Variants in FSTL4 observed in about 807,000 individuals in gnomAD.
The protein encoded by FSTL4 is follistatin-related protein 4.
In FSTL4, 28 loss-of-function variants were observed where a neutral mutation model predicts 78.2. That is an observed-to-expected ratio of 0.36 (90% confidence interval 0.27 to 0.49). FSTL4 has a LOEUF of 0.49. FSTL4 is among the 20% of genes least tolerant of loss of function. FSTL4 has a pLI of 0.98. For synonymous variants in FSTL4, 422 were observed against 440.5 expected, an observed-to-expected ratio of 0.96 and a Z score of 0.53; for missense variants, 922 against 1,084.9, an observed-to-expected ratio of 0.85 and a Z score of 2.11.
At chr5:133,754,937 A>C in the FSTL4 span, among the ~76,000 whole-genome samples, 3 of 151,858 alleles carry the variant, frequency 2.0e-5, no homozygotes, top group Admixed American at 6.6e-5. Context: ...CGTGTACATT[A>C]TCCCCTCTGT....
chr5:133,321,686 G>A (rs755915057), intron 4 of FSTL4, among the ~76,000 whole-genome samples: 7 of 152,240 alleles, frequency 4.6e-5, no homozygotes, highest in Non-Finnish European at 7.3e-5. Context: ...CCCTGAGCTG[G>A]GGCCCGGATC....
chr5:133,222,613 G>C (rs1751176371), intron 11 of FSTL4, among the ~76,000 whole-genome samples: 1 of 152,206 alleles, frequency 6.6e-6, no homozygotes, highest in Admixed American at 6.5e-5. Flanking sequence ...TGTGGCTGTA[G>C]CTACATTCTG....
At chr5:133,526,652 C>T (rs1049330138) in intron 3 of FSTL4, among the ~76,000 whole-genome samples, 1 of 152,072 alleles carries the variant, frequency 6.6e-6, no homozygotes, top group South Asian at 2.1e-4. Flanking sequence ...ATAACATTTG[C>T]GGACGAGTTG....
At chr5:133,266,097 C>T (rs1237918412) in intron 6 of FSTL4, among the ~76,000 whole-genome samples, 1 of 152,216 alleles carries the variant, frequency 6.6e-6, no homozygotes, top group African/African-American at 2.4e-5. Context: ...GCCCCGAATC[C>T]CACTGCCTGA....
intron 6 of FSTL4, among the ~76,000 whole-genome samples, chr5:133,280,175 A>G (rs767915014): frequency 1.3e-5 from 2 of 152,202 alleles, no homozygotes; most frequent in Non-Finnish European, 2.9e-5. Flanking sequence ...GCACTCAGGG[A>G]GCAAATCAAC....
intron 4 of FSTL4, among the ~76,000 whole-genome samples, chr5:133,332,999 CTCTCTG>C (rs1191162799): frequency 1.3e-5 from 2 of 150,768 alleles, no homozygotes; most frequent in Non-Finnish European, 2.9e-5. Context: ...TGTCCTCTCT[CTCTCTG>C]TCTCTCTCTC....
chr5:133,469,344 AAGG>A (rs1225075732), intron 3 of FSTL4, among the ~76,000 whole-genome samples: 1 of 152,228 alleles, frequency 6.6e-6, no homozygotes, highest in Non-Finnish European at 1.5e-5. Context: ...AGATCTGCTC[AAGG>A]AGAAGAGAAC....
At chr5:133,279,449 C>T (rs1212760106) in intron 6 of FSTL4, among the ~76,000 whole-genome samples, 1 of 152,246 alleles carries the variant, frequency 6.6e-6, no homozygotes, top group African/African-American at 2.4e-5. Context: ...AAACCAGTCC[C>T]TGGTGCCAAA....
At chr5:133,835,851 CT>C in the FSTL4 span, among the ~76,000 whole-genome samples, 56 of 152,280 alleles carry the variant, frequency 3.7e-4, no homozygotes, top group African/African-American at 1.3e-3. Flanking sequence ...CCTTTTGAGT[CT>C]AACAATTTTT....
At chr5:133,484,784 G>A (rs1240304236) in intron 3 of FSTL4, among the ~76,000 whole-genome samples, 1 of 152,242 alleles carries the variant, frequency 6.6e-6, no homozygotes, top group Non-Finnish European at 1.5e-5. Context: ...CGATGTCAGT[G>A]TGAGGGCTTC....
chr5:133,381,731 C>T (rs1229337020), intron 4 of FSTL4, among the ~76,000 whole-genome samples: 1 of 152,188 alleles, frequency 6.6e-6, no homozygotes, highest in Non-Finnish European at 1.5e-5. Flanking sequence ...TCCTTTTCAC[C>T]AAGTGGTTTC....
chr5:133,768,090 A>C, the FSTL4 span, among the ~76,000 whole-genome samples: 2 of 152,144 alleles, frequency 1.3e-5, no homozygotes, highest in Admixed American at 1.3e-4. Flanking sequence ...CTGGGAACCC[A>C]AGGAAGAAAC....
the FSTL4 span, among the ~76,000 whole-genome samples, chr5:133,700,461 GCCACCACACCAAA>G: frequency 2.0e-5 from 3 of 150,284 alleles, no homozygotes; most frequent in African/African-American, 7.3e-5. Flanking sequence ...ATCACACCAA[GCCACCACACCAAA>G]CCACCACACC....
At chr5:133,812,982 G>A in the FSTL4 span, among the ~76,000 whole-genome samples, 85 of 152,332 alleles carry the variant, frequency 5.6e-4, no homozygotes, top group African/African-American at 1.8e-3. Flanking sequence ...CAGTTCAGTG[G>A]AAGATGGCTC....
At chr5:133,292,062 G>A (rs1270113498) in intron 6 of FSTL4, among the ~76,000 whole-genome samples, 1 of 152,166 alleles carries the variant, frequency 6.6e-6, no homozygotes, top group South Asian at 2.1e-4. Flanking sequence ...CCATGGAGAT[G>A]GGCACTGGCA....
At chr5:133,695,645 C>T in the FSTL4 span, among the ~76,000 whole-genome samples, 1 of 152,164 alleles carries the variant, frequency 6.6e-6, no homozygotes, top group Non-Finnish European at 1.5e-5. Context: ...CCAGCTCCTG[C>T]TTCAGCCAAG....
chr5:133,549,322 C>G (rs991317085), intron 3 of FSTL4, among the ~76,000 whole-genome samples: 1 of 152,132 alleles, frequency 6.6e-6, no homozygotes, highest in Non-Finnish European at 1.5e-5. Flanking sequence ...TCTTCCAGTT[C>G]TCTTCAGTTA....
rs540514183 is a variant in FSTL4 at position 133,380,127 on chromosome 5, CAT to C, written c.409+20609_409+20610del. On this transcript the variant is annotated intron_variant, in intron 4 of 15. Coordinates refer to ENST00000265342, the MANE Select transcript of FSTL4 (RefSeq NM_015082.2). ...AATAACCTAATCTTTCACCATAACA[CAT>C]AGTAAAAAGAAGAGCAAACTAAACC... Among the ~76,000 whole-genome samples, 306 of 151,356 alleles carry C rather than the reference CAT, an allele frequency of 2.0e-3. 2 individuals carry two copies. Among genetic ancestry groups the C allele is most frequent in the Non-Finnish European group, 3.1e-3 (208 of 67,810 alleles).
At chr5:133,343,379 G>C (rs1455473108) in intron 4 of FSTL4, among the ~76,000 whole-genome samples, 1 of 152,118 alleles carries the variant, frequency 6.6e-6, no homozygotes, top group Non-Finnish European at 1.5e-5. Context: ...CCAGCATCTG[G>C]GCTCCCTGGG....
Sources: allele counts gnomAD v4.1 joint callset (sites outside exome capture counted in the v4.1 genomes callset), GRCh38; gene constraint gnomAD v4.1.1; transcripts MANE v1.5; gene names NCBI Gene and HGNC (gene_info 2026-07-23, HGNC 2026-07-21).